Variants in KCNQ5 observed in about 807,000 individuals in gnomAD.
KCNQ5 encodes potassium voltage-gated channel subfamily KQT member 5.
KCNQ5 carries 30 observed loss-of-function variants against 98.2 expected under a neutral mutation model. That is an observed-to-expected ratio of 0.31 (90% confidence interval 0.23 to 0.41). The LOEUF (loss-of-function observed/expected upper bound fraction) is 0.41, where lower values mean the gene tolerates loss of function less well. KCNQ5 is among the 10% of genes least tolerant of loss of function. The pLI is 1.00. For synonymous variants in KCNQ5, 458 were observed against 449.4 expected, an observed-to-expected ratio of 1.02 and a Z score of -0.24; for missense variants, 835 against 1,182.5, an observed-to-expected ratio of 0.71 and a Z score of 4.31.
intron 1 of KCNQ5, among the ~76,000 whole-genome samples, chr6:72,794,643 G>A (rs1774232234): frequency 6.6e-6 from 1 of 152,064 alleles, no homozygotes; most frequent in South Asian, 2.1e-4. Context: ...GGGACAGATT[G>A]CTTTCTTTTA....
At chr6:72,660,640 T>C (rs1441179463) in intron 1 of KCNQ5, among the ~76,000 whole-genome samples, 1 of 152,210 alleles carries the variant, frequency 6.6e-6, no homozygotes, top group Non-Finnish European at 1.5e-5. Flanking sequence ...TTTTAAAGTT[T>C]ATCTTGCACT....
chr6:72,922,406 G>A (rs1381706696), intron 1 of KCNQ5, among the ~76,000 whole-genome samples: 1 of 151,528 alleles, frequency 6.6e-6, no homozygotes, highest in Non-Finnish European at 1.5e-5. Context: ...ACCTCATATT[G>A]TTTTTTTGTA....
intron 3 of KCNQ5, chr6:73,055,204 G>A: frequency 9.6e-7 from 1 of 1,036,414 alleles, no homozygotes; most frequent in Non-Finnish European, 1.5e-6. Context: ...CGGGCCATGA[G>A]GCGGCAAAGC....
chr6:72,764,262 C>T (rs1182442363), intron 1 of KCNQ5, among the ~76,000 whole-genome samples: 3 of 151,830 alleles, frequency 2.0e-5, no homozygotes, highest in South Asian at 4.2e-4. Flanking sequence ...AAAAACCAAC[C>T]AACCAACAAA....
At chr6:72,857,000 G>T (rs1003179093) in intron 1 of KCNQ5, among the ~76,000 whole-genome samples, 1 of 152,208 alleles carries the variant, frequency 6.6e-6, no homozygotes, top group Non-Finnish European at 1.5e-5. Context: ...AATAGGGGAA[G>T]ATACTCTGTC....
intron 1 of KCNQ5, among the ~76,000 whole-genome samples, chr6:72,832,979 C>T (rs1776349631): frequency 6.6e-6 from 1 of 152,136 alleles, no homozygotes; most frequent in Admixed American, 6.6e-5. Context: ...CCATGGACAG[C>T]ATTGATCTAC....
At position 73,113,155 on chromosome 6, in the gene KCNQ5, T is replaced by C. The variant is rs1031886330; in HGVS notation, c.1125+1752T>C. ...CCAGAATTCATAGGCTTTCATCCTT[T>C]AGCACTCCTTAACTGGTTACACATG... is the stretch of plus-strand genomic sequence containing the variant. On this transcript the variant is annotated intron_variant, in intron 7 of 13. Transcript: ENST00000370398. Among the ~76,000 whole-genome samples the C allele has an allele frequency of 6.6e-5, 10 of 152,322 alleles. No homozygotes were observed. The East Asian group carries it at 1.9e-3, about 29-fold the overall frequency.
At chr6:72,935,102 G>A (rs1276474175) in intron 1 of KCNQ5, among the ~76,000 whole-genome samples, 3 of 117,952 alleles carry the variant, frequency 2.5e-5, no homozygotes, top group East Asian at 2.4e-4. Context: ...ATGGAGTTTC[G>A]CTCTTGTCAC....
intron 1 of KCNQ5, among the ~76,000 whole-genome samples, chr6:72,852,086 C>T (rs1464642711): frequency 6.6e-6 from 1 of 151,940 alleles, no homozygotes; most frequent in African/African-American, 2.4e-5. Flanking sequence ...TCTCTGTGGC[C>T]TTCCTAACAG....
chr6:73,068,770 T>C (rs1773178225), intron 3 of KCNQ5, among the ~76,000 whole-genome samples: 1 of 152,212 alleles, frequency 6.6e-6, no homozygotes, highest in South Asian at 2.1e-4. Flanking sequence ...TTTATACTGC[T>C]ACTAATAGTG....
chr6:72,791,576 A>G (rs937229870), intron 1 of KCNQ5, among the ~76,000 whole-genome samples: 2 of 152,208 alleles, frequency 1.3e-5, no homozygotes, highest in South Asian at 2.1e-4. Flanking sequence ...TGTAAATTCA[A>G]CTATTTGGAA....
chr6:73,160,320 G>T lies in KCNQ5; in HGVS notation c.1469-9426G>T, dbSNP rs577112521. ...CGTGAGCCACCGCGCCCGGCCTTCC[G>T]CTATGTTTTTGACAATTGGGTTTTA... is the stretch of plus-strand genomic sequence containing the variant. On this transcript the variant is annotated intron_variant, in intron 10 of 13. Transcript: ENST00000370398. Among the ~76,000 whole-genome samples the T allele has an allele frequency of 2.0e-5, 3 of 152,160 alleles. No homozygotes were observed. The East Asian group carries it at 5.8e-4, about 29-fold the overall frequency.
At chr6:72,718,445 C>CTT (rs1032425332) in intron 1 of KCNQ5, among the ~76,000 whole-genome samples, 5,680 of 71,488 alleles carry the variant, frequency 0.079, 1,004 homozygotes, top group Non-Finnish European at 0.1. Flanking sequence ...CCTTTCTGCT[C>CTT]TTTTTTTTTT....
chr6:72,912,044 AC>A (rs1220806623), intron 1 of KCNQ5, among the ~76,000 whole-genome samples: 2 of 152,164 alleles, frequency 1.3e-5, no homozygotes, highest in Non-Finnish European at 2.9e-5. Flanking sequence ...GTTACTAACA[AC>A]CAAGAGACAA....
At position 72,722,961 on chromosome 6, in the gene KCNQ5, C is replaced by T. The variant is rs148944389; in HGVS notation, c.398+100374C>T. On this transcript the variant is annotated intron_variant, in intron 1 of 13. Coordinates refer to ENST00000370398, the MANE Select transcript of KCNQ5 (RefSeq NM_019842.4). ...ACTTCCTGGGTTCAGGTGATCCTCC[C>T]GCCTCAGCTTCCCAAGCAGCTAGGA... Among the ~76,000 whole-genome samples the T allele has an allele frequency of 2.8e-3, 419 of 151,076 alleles. 2 individuals are homozygous for T. Among genetic ancestry groups the T allele is most frequent in the African/African-American group, 9.8e-3 (404 of 41,030 alleles).
chr6:72,835,394 C>T (rs895862069), intron 1 of KCNQ5, among the ~76,000 whole-genome samples: 15 of 152,022 alleles, frequency 9.9e-5, no homozygotes, highest in African/African-American at 3.4e-4. Context: ...TTATATTGGT[C>T]GAGGCCATTT....
At chr6:72,937,479 A>G (rs947226959) in intron 1 of KCNQ5, among the ~76,000 whole-genome samples, 5 of 152,208 alleles carry the variant, frequency 3.3e-5, no homozygotes, top group Admixed American at 3.3e-4. Context: ...AGCACACATT[A>G]CCAAAATAAA....
chr6:72,836,008 A>T (rs1467598104), intron 1 of KCNQ5, among the ~76,000 whole-genome samples: 1 of 152,218 alleles, frequency 6.6e-6, no homozygotes. Context: ...AAATGCTACA[A>T]ATTAGGGTTT....
intron 1 of KCNQ5, among the ~76,000 whole-genome samples, chr6:72,663,750 T>C (rs898550389): frequency 8.5e-5 from 13 of 152,214 alleles, no homozygotes; most frequent in African/African-American, 2.9e-4. Flanking sequence ...AATAAGACTC[T>C]TTCAAAGGCA....
Sources: allele counts gnomAD v4.1 joint callset (sites outside exome capture counted in the v4.1 genomes callset), GRCh38; gene constraint gnomAD v4.1.1; transcripts MANE v1.5; gene names NCBI Gene and HGNC (gene_info 2026-07-23, HGNC 2026-07-21).